SIGLEC12: variants seen among roughly 807,000 people sequenced by gnomAD.
SIGLEC12 encodes the protein sialic acid binding Ig like lectin 12, also known as sialic acid-binding Ig-like lectin 12.
A neutral mutation model predicts 54.1 loss-of-function variants in SIGLEC12; 43 were observed. The observed-to-expected ratio is 0.80, with a 90% CI of 0.62 to 1.03. The LOEUF (loss-of-function observed/expected upper bound fraction) is 1.03, where lower values mean the gene tolerates loss of function less well. SIGLEC12 is among the 50% of genes least tolerant of loss of function. The probability of loss-of-function intolerance (pLI) is 0.00; values close to 1 mark genes in which losing one functional copy is unlikely to be tolerated. For missense variants in SIGLEC12, 802 were observed against 735.2 expected (o/e 1.09, Z -1.05); for synonymous variants, 357 against 307.6 (o/e 1.16, Z -1.68).
chr19:51,496,961 C>T lies in SIGLEC12; in HGVS notation c.1518G>A (p.Arg506=), dbSNP rs1181757179. The T allele has an allele frequency of 6.2e-7, 1 of 1,613,316 alleles. No homozygotes were observed. Among genetic ancestry groups the T allele is most frequent in the Non-Finnish European group, 8.5e-7 (1 of 1,179,992 alleles). The part of the protein sequence containing the change: ...CIIFVVVRSC[R]KKSARPAVGV... ...CCACTGCTGGCCTTGCCGATTTCTT[C>T]CTGCAGGACCTCACTCTGAGTGAAG... Residue 506 remains arginine, a synonymous_variant, in exon 7 of 8, where the codon AGG becomes AGA. Coordinates refer to ENST00000291707, the MANE Select transcript of SIGLEC12 (RefSeq NM_053003.4).
At position 51,496,933 on chromosome 19, in the gene SIGLEC12, C is replaced by T. The variant is rs61743142; in HGVS notation, c.1546G>A (p.Val516Met). The T allele has an allele frequency of 0.017, 27,752 of 1,613,696 alleles. 256 individuals carry two copies. The highest frequency in any genetic ancestry group is 0.038 in the Middle Eastern group (217 of 5,716). Residue 516 changes from valine to methionine, a missense_variant, in exon 7 of 8, where the codon GTG becomes ATG. Val to Met is a conservative substitution (Grantham distance 21). Coordinates refer to ENST00000291707, the MANE Select transcript of SIGLEC12 (RefSeq NM_053003.4). ...GCGTCCTCCATGCCTGTATCCCCCA[C>T]GCCCACTGCTGGCCTTGCCGATTTC... ...RKKSARPAVGVGDTGMEDANA... is the reference protein window; with the variant it reads ...RKKSARPAVGMGDTGMEDANA...
At chr19:51,497,122 C>A in intron 6 of SIGLEC12, 146 bp from the exon 7 acceptor site, 1 of 1,334,014 alleles carries the variant, frequency 7.5e-7, no homozygotes, top group South Asian at 1.3e-5. Flanking sequence ...ACCCCAATGT[C>A]GAAAACAGAG....
intron 2 of SIGLEC12, 75 bp downstream of exon 2, chr19:51,499,844 AT>A: frequency 6.5e-7 from 1 of 1,546,094 alleles, no homozygotes; most frequent in South Asian, 1.2e-5. Context: ...CCCTCCCAGG[AT>A]GGGGGTCCCA....
At position 51,497,388 on chromosome 19, in the gene SIGLEC12, G is replaced by A. The variant is rs764988468; in HGVS notation, c.1463C>T (p.Thr488Ile). 1.5e-4 allele frequency: 238 copies of A among 1,613,186 alleles called. No homozygotes were observed. Among genetic ancestry groups the A allele is most frequent in the Non-Finnish European group, 1.9e-4 (227 of 1,179,394 alleles). Reference sequence around the variant, plus strand: ...GCAGAAGTACAGGAAGACCAGGGCTGTGGCTCCAGCTCCCCCGAATGCCCC... The same window carrying A: ...GCAGAAGTACAGGAAGACCAGGGCTATGGCTCCAGCTCCCCCGAATGCCCC... ...TLGAFGGAGATALVFLYFCII... is the reference protein window; with the variant it reads ...TLGAFGGAGAIALVFLYFCII... Residue 488 changes from threonine (T) to isoleucine (I), a missense_variant, in exon 6 of 8, where the codon ACA becomes ATA. Physicochemically the swap from Thr to Ile is moderately conservative, Grantham distance 89. Coordinates refer to ENST00000291707, the MANE Select transcript of SIGLEC12 (RefSeq NM_053003.4).
At chr19:51,493,056 C>T (rs1990149242) in intron 7 of SIGLEC12, among the ~76,000 whole-genome samples, 1 of 152,228 alleles carries the variant, frequency 6.6e-6, no homozygotes, top group Non-Finnish European at 1.5e-5. Flanking sequence ...TGTGATTTCA[C>T]TCCCCCATTC....
At chr19:51,497,480 C>A in intron 5 of SIGLEC12, 35 bp from the exon 6 acceptor site, 1 of 1,523,574 alleles carries the variant, frequency 6.6e-7, no homozygotes, top group East Asian at 2.3e-5. Flanking sequence ...GGGGTTTACC[C>A]TCCAAGAACT....
chr19:51,492,077 G>C (rs1990119824), intron 7 of SIGLEC12, among the ~76,000 whole-genome samples: 1 of 152,090 alleles, frequency 6.6e-6, no homozygotes, highest in Non-Finnish European at 1.5e-5. Context: ...TTATAAATTT[G>C]AAAACTGAGG....
intron 7 of SIGLEC12, among the ~76,000 whole-genome samples, 167 bp from the exon 8 acceptor site, chr19:51,491,996 T>C (rs753868400): frequency 1.3e-5 from 2 of 152,198 alleles, no homozygotes; most frequent in Non-Finnish European, 2.9e-5. Context: ...ATTATCACCT[T>C]ATGTGGTGTT....
chr19:51,498,890 A>T (rs1338598030), intron 4 of SIGLEC12, among the ~76,000 whole-genome samples: 2 of 152,224 alleles, frequency 1.3e-5, no homozygotes, highest in East Asian at 3.8e-4. Context: ...GGATGAGGCA[A>T]TATTCAGGAG....
rs75471772 is a variant in SIGLEC12 at position 51,492,243 on chromosome 19, T to G, written c.1600-414A>C. Among the ~76,000 whole-genome samples the G allele has an allele frequency of 9.7e-4, 147 of 152,262 alleles. 2 individuals are homozygous for G. In the East Asian group the frequency reaches 0.025, roughly 26 times the overall value. On this transcript the variant is annotated intron_variant, in intron 7 of 7. Transcript: ENST00000291707. ...TGGACTGTGGTGGACACGGTAGGCA[T>G]GGGCTCTGACCCCCTGCATCTCACT...
rs149105563 is a variant in SIGLEC12 at position 51,496,913 on chromosome 19, C to T, written c.1566G>A (p.Glu522=). The T allele has an allele frequency of 1.6e-4, 257 of 1,613,990 alleles. 1 individual carries two copies. Among genetic ancestry groups the T allele is most frequent in the Middle Eastern group, 3.4e-4 (2 of 5,896 alleles). Reference sequence around the variant, plus strand: ...CTGAGCCCCTGACAGCGTTTGCGTCCTCCATGCCTGTATCCCCCACGCCCA... The same window carrying T: ...CTGAGCCCCTGACAGCGTTTGCGTCTTCCATGCCTGTATCCCCCACGCCCA... ...PAVGVGDTGM[E]DANAVRGSAS... Residue 522 remains glutamate (E), a synonymous_variant, in exon 7 of 8, where the codon GAG becomes GAA. Transcript: ENST00000291707.
Position 51,497,449 on chromosome 19 carries a change from A to C in SIGLEC12, c.1406-4T>G, listed in dbSNP as rs539179079. ...CCTGATATAGGCCTCATTTTGCCTG[A>C]GGATGGATTGGAGTTGTTTTGGGGT... On this transcript the variant is annotated splice_polypyrimidine_tract_variant and splice_region_variant and intron_variant, in intron 5 of 7. Transcript: ENST00000291707. 74 of 1,607,622 alleles carry C rather than the reference A, an allele frequency of 4.6e-5. No homozygotes were observed. In the South Asian group the frequency reaches 7.4e-4, roughly 16 times the overall value.
intron 7 of SIGLEC12, among the ~76,000 whole-genome samples, chr19:51,494,854 G>T (rs1170963449): frequency 6.6e-6 from 1 of 152,112 alleles, no homozygotes; most frequent in Admixed American, 6.5e-5. Context: ...TAAGTAAATC[G>T]TCCAGTCACA....
Position 51,496,884 on chromosome 19 carries a change from G to A in SIGLEC12, c.1595C>T (p.Ser532Phe), listed in dbSNP as rs1233341388. The change falls in exon 7 of 8, where the codon TCT (serine) becomes TTT (phenylalanine). Residue 532 changes from serine to phenylalanine, a missense_variant. Coordinates refer to ENST00000291707, the MANE Select transcript of SIGLEC12 (RefSeq NM_053003.4). The stretch of plus-strand genomic sequence containing the variant: ...TGTGATTCAATGCTCACTCACCTGA[G>A]AGGCTGAGCCCCTGACAGCGTTTGC... Reference protein sequence around the residue: ...EDANAVRGSASQGPLIESPAD... With the variant: ...EDANAVRGSAFQGPLIESPAD... 1.9e-6 allele frequency: 3 copies of A among 1,614,022 alleles called. No individual in the cohort carries two copies. The highest frequency in any genetic ancestry group is 2.5e-6 in the Non-Finnish European group (3 of 1,180,020).
intron 7 of SIGLEC12, among the ~76,000 whole-genome samples, chr19:51,495,513 AT>A (rs1227972230): frequency 1.3e-5 from 2 of 152,182 alleles, no homozygotes; most frequent in African/African-American, 4.8e-5. Context: ...GGATGGATGA[AT>A]GGTTGGATGA....
At chr19:51,495,782 A>G (rs560935033) in intron 7 of SIGLEC12, among the ~76,000 whole-genome samples, 1 of 152,276 alleles carries the variant, frequency 6.6e-6, no homozygotes, top group South Asian at 2.1e-4. Flanking sequence ...GAATGAATTA[A>G]TGAATGAAGG....
At chr19:51,497,074 G>C in intron 6 of SIGLEC12, 98 bp from the exon 7 acceptor site, 1 of 1,585,124 alleles carries the variant, frequency 6.3e-7, no homozygotes, top group Non-Finnish European at 8.6e-7. Context: ...GAGCTGGAGG[G>C]GTAACTGAGG....
chr19:51,497,064 G>A (rs1418111968), intron 6 of SIGLEC12, 88 bp from the exon 7 acceptor site: 1 of 1,601,972 alleles, frequency 6.2e-7, no homozygotes, highest in Non-Finnish European at 8.5e-7. Context: ...TCCTATTGGG[G>A]AGCTGGAGGG....
At position 51,498,181 on chromosome 19, in the gene SIGLEC12, G is replaced by A; in HGVS notation, c.1242C>T (p.Thr414=). The A allele has an allele frequency of 6.2e-7, 1 of 1,614,258 alleles. No homozygotes were observed. Among genetic ancestry groups the A allele is most frequent in the Non-Finnish European group, 8.5e-7 (1 of 1,180,046 alleles). ...DSNPPARLSW[T]WGSLTLSPSQ... ...AGGGGCTCAGGGTCAGGCTCCCCCA[G>A]GTCCAGCTCAGCCTGGCAGGGGGAT... The change falls in exon 5 of 8, where the codon ACC becomes ACT. Residue 414 remains threonine, a synonymous_variant. Transcript: ENST00000291707.
Sources: gnomAD v4.1 joint callset for allele counts (sites outside exome capture counted in the v4.1 genomes callset) on GRCh38, gnomAD v4.1.1 for gene constraint, MANE v1.5 for transcripts, NCBI Gene and HGNC (gene_info 2026-07-23, HGNC 2026-07-21) for gene names.